EPHB1: variants seen among roughly 807,000 people sequenced by gnomAD.
EPHB1 encodes EPH receptor B1.
Under a neutral mutation model 94.4 loss-of-function variants are expected in EPHB1, and 30 were observed. That is an observed-to-expected ratio of 0.32 (90% CI 0.24 to 0.43). EPHB1 has a LOEUF of 0.43. Among genes scored for constraint, EPHB1 ranks in the 20% least tolerant of loss-of-function variants. The pLI is 1.00. For missense variants in EPHB1, 1,055 were observed against 1,308.3 expected, an observed-to-expected ratio of 0.81 and a Z score of 2.99; for synonymous variants, 522 against 489.1, an observed-to-expected ratio of 1.07 and a Z score of -0.89.
At position 134,822,869 on chromosome 3, in the gene EPHB1, G is replaced by A. The variant is rs545232673; in HGVS notation, c.58+27180G>A. 1.4e-3 allele frequency among the ~76,000 whole-genome samples: 206 copies of A among 152,288 alleles called. 1 individual carries two copies. The highest frequency in any genetic ancestry group is 4.8e-3 in the African/African-American group (201 of 41,556). On this transcript the variant is annotated intron_variant, in intron 1 of 15. Coordinates refer to ENST00000398015, the MANE Select transcript of EPHB1 (RefSeq NM_004441.5). ...ATTGTAGCTTTGGCTTGGCATAAAC[G>A]AACCCAGGCAGTTCACACAGGGATC...
At chr3:135,247,034 G>A (rs1943943874) in intron 13 of EPHB1, among the ~76,000 whole-genome samples, 1 of 152,238 alleles carries the variant, frequency 6.6e-6, no homozygotes, top group Non-Finnish European at 1.5e-5. Flanking sequence ...TTTTTAAGTA[G>A]AGGCAAAAAC....
chr3:134,986,173 G>A (rs1305367689), intron 3 of EPHB1, among the ~76,000 whole-genome samples: 3 of 152,160 alleles, frequency 2.0e-5, no homozygotes, highest in African/African-American at 7.2e-5. Context: ...CAAGCACCGG[G>A]AGTGACTCTT....
chr3:135,249,532 G>T, intron 15 of EPHB1, 41 bp downstream of exon 15: 1 of 1,588,046 alleles, frequency 6.3e-7, no homozygotes, highest in Non-Finnish European at 8.6e-7. Context: ...ACACCTAGGG[G>T]TCAGTGCTCC....
At chr3:134,831,017 T>A (rs576811834) in intron 1 of EPHB1, among the ~76,000 whole-genome samples, 1 of 152,194 alleles carries the variant, frequency 6.6e-6, no homozygotes, top group Middle Eastern at 3.2e-3. Flanking sequence ...GACTTCCTAC[T>A]GTCATGCAAG....
intron 4 of EPHB1, among the ~76,000 whole-genome samples, chr3:135,120,345 G>T (rs185787264): frequency 2.0e-5 from 3 of 152,236 alleles, no homozygotes; most frequent in African/African-American, 7.2e-5. Flanking sequence ...ATGGTTTTGT[G>T]GCTATTGTGA....
intron 3 of EPHB1, among the ~76,000 whole-genome samples, chr3:134,967,596 C>T (rs1234382668): frequency 6.6e-6 from 1 of 152,084 alleles, no homozygotes; most frequent in Non-Finnish European, 1.5e-5. Context: ...CATGTGATGC[C>T]CTGCACCACT....
intron 1 of EPHB1, among the ~76,000 whole-genome samples, chr3:134,830,951 A>T (rs1184229041): frequency 6.6e-6 from 1 of 152,160 alleles, no homozygotes; most frequent in Non-Finnish European, 1.5e-5. Flanking sequence ...TGAGGAAGGG[A>T]TTTTAAACTC....
intron 12 of EPHB1, among the ~76,000 whole-genome samples, chr3:135,225,634 C>T (rs954549664): frequency 2.0e-5 from 3 of 152,008 alleles, no homozygotes; most frequent in Non-Finnish European, 4.4e-5. Flanking sequence ...AACTGAAGCC[C>T]CACAGTTCTT....
intron 1 of EPHB1, among the ~76,000 whole-genome samples, chr3:134,891,257 G>A (rs1482436010): frequency 6.6e-6 from 1 of 152,098 alleles, no homozygotes; most frequent in Non-Finnish European, 1.5e-5. Context: ...CTATAGGCAT[G>A]CGCCACCATG....
intron 3 of EPHB1, among the ~76,000 whole-genome samples, chr3:135,002,743 C>T (rs924050882): frequency 3.9e-5 from 6 of 152,162 alleles, no homozygotes; most frequent in South Asian, 2.1e-4. Context: ...AGTTTATTTG[C>T]GTAGAGGTGT....
chr3:134,806,786 A>G (rs1362007814), intron 1 of EPHB1, among the ~76,000 whole-genome samples: 1 of 152,218 alleles, frequency 6.6e-6, no homozygotes, highest in African/African-American at 2.4e-5. Context: ...CAGAAATATT[A>G]CAGCCCTTGG....
intron 9 of EPHB1, among the ~76,000 whole-genome samples, chr3:135,173,148 C>T (rs1407214584): frequency 3.3e-5 from 5 of 150,840 alleles, no homozygotes; most frequent in African/African-American, 1.2e-4. Flanking sequence ...CATTCTCCTG[C>T]CTCAGCCTCC....
intron 5 of EPHB1, among the ~76,000 whole-genome samples, chr3:135,149,743 A>T (rs1559851855): frequency 2.0e-5 from 3 of 152,146 alleles, no homozygotes; most frequent in Admixed American, 2.0e-4. Flanking sequence ...ATTTAGAATG[A>T]CCTGTGTGAG....
At chr3:134,861,683 A>C (rs1337737802) in intron 1 of EPHB1, among the ~76,000 whole-genome samples, 1 of 152,122 alleles carries the variant, frequency 6.6e-6, no homozygotes, top group Non-Finnish European at 1.5e-5. Flanking sequence ...AGGTGGGAAA[A>C]TGTGTTTAGT....
chr3:134,802,789 C>G (rs935515), intron 1 of EPHB1, among the ~76,000 whole-genome samples: 93,934 of 152,078 alleles, frequency 0.62, 31,538 homozygotes, highest in East Asian at 0.88. Context: ...GTTCATTATG[C>G]TCCCAGCCTT....
chr3:135,151,004 G>C (rs368121659), intron 5 of EPHB1, among the ~76,000 whole-genome samples: 73 of 152,220 alleles, frequency 4.8e-4, no homozygotes, highest in African/African-American at 1.7e-3. Context: ...TGACTCTTCT[G>C]TTTCTTCCAC....
intron 2 of EPHB1, among the ~76,000 whole-genome samples, chr3:134,928,859 C>A (rs567486378): frequency 6.6e-6 from 1 of 152,130 alleles, no homozygotes; most frequent in East Asian, 1.9e-4. Flanking sequence ...CAGGAGAAAA[C>A]CAAGAGGAGG....
chr3:134,947,155 C>G (rs1480187777), intron 2 of EPHB1, among the ~76,000 whole-genome samples: 1 of 152,122 alleles, frequency 6.6e-6, no homozygotes, highest in Admixed American at 6.6e-5. Flanking sequence ...TGGCACAAAC[C>G]TAACATTCAG....
At chr3:134,928,321 A>G (rs1278454548) in intron 2 of EPHB1, among the ~76,000 whole-genome samples, 1 of 152,200 alleles carries the variant, frequency 6.6e-6, no homozygotes, top group African/African-American at 2.4e-5. Context: ...TCTCAGTGCC[A>G]GGGAGCTTTA....
Sources: gnomAD v4.1 joint callset for allele counts (sites outside exome capture counted in the v4.1 genomes callset) on GRCh38, gnomAD v4.1.1 for gene constraint, MANE v1.5 for transcripts, NCBI Gene and HGNC (gene_info 2026-07-23, HGNC 2026-07-21) for gene names.